GSDME: variants seen among roughly 807,000 people sequenced by gnomAD.
GSDME encodes gasdermin-E.
Under a neutral mutation model 47.5 loss-of-function variants are expected in GSDME, and 44 were observed. That is an observed-to-expected ratio of 0.93 (90% CI 0.73 to 1.19). The LOEUF is 1.19. Among genes scored for constraint, GSDME ranks in the 50% most tolerant of loss-of-function variants. The pLI is 0.00. For synonymous variants in GSDME, 258 were observed against 252.8 expected (o/e 1.02, Z -0.20); for missense variants, 663 against 604.2 (o/e 1.10, Z -1.02).
chr7:24,792,010 T>C, the GSDME span, among the ~76,000 whole-genome samples: 5 of 152,166 alleles, frequency 3.3e-5, no homozygotes, highest in African/African-American at 9.7e-5. Context: ...TGTAGAATCC[T>C]GGAAAAGAGC....
At chr7:24,758,331 A>G (rs752449912), upstream of GSDME, among the ~76,000 whole-genome samples, 3 of 152,224 alleles carry the variant, frequency 2.0e-5, no homozygotes, top group African/African-American at 7.2e-5. The surrounding 1 kb of genome is among the most constrained non-coding windows in gnomAD (Gnocchi z 4.6). Context: ...ACCCGCTCCC[A>G]GGTCCAGAAG....
the GSDME span, among the ~76,000 whole-genome samples, chr7:24,792,006 A>G: frequency 6.6e-6 from 1 of 152,214 alleles, no homozygotes; most frequent in African/African-American, 2.4e-5. Flanking sequence ...AGGCTGTAGA[A>G]TCCTGGAAAA....
intron 3 of GSDME, among the ~76,000 whole-genome samples, chr7:24,738,352 T>G (rs1441545789): frequency 6.6e-6 from 1 of 151,864 alleles, no homozygotes; most frequent in East Asian, 1.9e-4. Flanking sequence ...GAAAAAGAAA[T>G]CAAGGAAATA....
chr7:24,767,759 C>T, the GSDME span, among the ~76,000 whole-genome samples: 1 of 152,090 alleles, frequency 6.6e-6, no homozygotes, highest in African/African-American at 2.4e-5. This position sits in a 1 kb window ranked among gnomAD's most constrained non-coding sequence, Gnocchi z 5.3. Context: ...AACTTAAAGA[C>T]ATTTTCTTAC....
chr7:24,742,433 C>T lies in GSDME; in HGVS notation c.404+2129G>A, dbSNP rs143081097. Among the ~76,000 whole-genome samples the T allele has an allele frequency of 4.7e-3, 720 of 152,278 alleles. 3 individuals carry two copies. The highest frequency in any genetic ancestry group is 0.017 in the Middle Eastern group (5 of 294). ...GGCTACATATAAAGTGCCTGGCACACAGTAGGTGCTCTGCGGATGCTCCTT... is the reference window on the plus strand; with the variant it reads ...GGCTACATATAAAGTGCCTGGCACATAGTAGGTGCTCTGCGGATGCTCCTT... On this transcript the variant is annotated intron_variant, in intron 3 of 9. Transcript: ENST00000645220. The surrounding 1 kb of genome is among the most constrained non-coding windows in gnomAD (Gnocchi z 4.4).
chr7:24,784,435 A>G, the GSDME span, among the ~76,000 whole-genome samples: 3 of 152,088 alleles, frequency 2.0e-5, no homozygotes, highest in African/African-American at 7.2e-5. Context: ...AACAGTGCAG[A>G]CTTCAGTATG....
Position 24,706,371 on chromosome 7 carries a change from A to T in GSDME, c.996T>A (p.Asp332Glu), listed in dbSNP as rs1246801833. Residue 332 changes from aspartate to glutamate, a missense_variant, in exon 8 of 10, where the codon GAT becomes GAA. Transcript: ENST00000645220. ...TGGGCGAGAGGCCGCTGACCAGGTC[A>T]TCGCACTGTAGGGCAGGGAAGAAGA... ...ELLMVLEPVC[D>E]DLVSGLSPTV... The T allele has an allele frequency of 1.2e-6, 2 of 1,612,440 alleles. No homozygotes were observed. The highest frequency in any genetic ancestry group is 2.7e-5 in the African/African-American group (2 of 74,896).
In GSDME at chr7:24,728,285, A is replaced by C. The variant is rs924572211; in HGVS notation, c.405-9067T>G. Among the ~76,000 whole-genome samples the C allele has an allele frequency of 6.6e-6, 1 of 152,210 alleles. No homozygotes were observed. The highest frequency in any genetic ancestry group is 2.4e-5 in the African/African-American group (1 of 41,456). On this transcript the variant is annotated intron_variant, in intron 3 of 9. Coordinates refer to ENST00000645220, the MANE Select transcript of GSDME (RefSeq NM_001127453.2). The surrounding 1 kb of genome is among the most constrained non-coding windows in gnomAD (Gnocchi z 7.2). Reference sequence around the variant, plus strand: ...CCAAGAGAACTTGAGCTGCCAGGACAGATGGCGGCTGCCACAGGGGCCCAC... The same window carrying C: ...CCAAGAGAACTTGAGCTGCCAGGACCGATGGCGGCTGCCACAGGGGCCCAC...
chr7:24,711,230 TTTTG>T (rs1054672558), intron 5 of GSDME, among the ~76,000 whole-genome samples: 28 of 152,226 alleles, frequency 1.8e-4, no homozygotes, highest in African/African-American at 6.0e-4. Context: ...TTTTTGGTTG[TTTTG>T]TTTTTGTTCT....
At chr7:24,778,555 G>A in the GSDME span, among the ~76,000 whole-genome samples, 22 of 152,268 alleles carry the variant, frequency 1.4e-4, no homozygotes, top group African/African-American at 4.6e-4. This position sits in a 1 kb window ranked among gnomAD's most constrained non-coding sequence, Gnocchi z 5.6. Context: ...GGGAAAGTCC[G>A]GGACAAATTG....
In GSDME at chr7:24,712,928, G is replaced by A. The variant is rs1350055514; in HGVS notation, c.698-2540C>T. ...AGTTACTCAGGAGGCTGAGGCAGGA[G>A]AATCGTTTGAACCTGGGAGGCGGAG... On this transcript the variant is annotated intron_variant, in intron 5 of 9. Transcript: ENST00000645220. This position sits in a 1 kb window ranked among gnomAD's most constrained non-coding sequence, Gnocchi z 4.4. Among the ~76,000 whole-genome samples the A allele has an allele frequency of 1.3e-5, 2 of 151,560 alleles. No homozygotes were observed. Among genetic ancestry groups the A allele is most frequent in the African/African-American group, 4.9e-5 (2 of 41,188 alleles).
chr7:24,708,525 TTAAGTC>T (rs1452288952), intron 6 of GSDME, among the ~76,000 whole-genome samples: 4 of 152,228 alleles, frequency 2.6e-5, no homozygotes, highest in Admixed American at 6.5e-5. Context: ...TCACTAAACA[TTAAGTC>T]TAATCAATTA....
chr7:24,749,515 G>T, intron 2 of GSDME, 49 bp downstream of exon 2: 5 of 1,195,012 alleles, frequency 4.2e-6, no homozygotes, highest in Non-Finnish European at 4.7e-6. Flanking sequence ...AAAAAAAAAA[G>T]GATCATCCTT....
At chr7:24,701,326 C>T (rs1788859607) in intron 9 of GSDME, among the ~76,000 whole-genome samples, 1 of 152,198 alleles carries the variant, frequency 6.6e-6, no homozygotes, top group African/African-American at 2.4e-5. Flanking sequence ...TGTGCAGAAG[C>T]AGAATACCTT....
chr7:24,718,796 A>G (rs1248862301), intron 4 of GSDME, among the ~76,000 whole-genome samples: 1 of 134,422 alleles, frequency 7.4e-6, no homozygotes, highest in East Asian at 2.5e-4. Context: ...CTGAGAGGGC[A>G]TCAACCCAGG....
the GSDME span, among the ~76,000 whole-genome samples, chr7:24,781,013 C>T: frequency 5.9e-5 from 9 of 152,202 alleles, no homozygotes; most frequent in Non-Finnish European, 1.3e-4. Context: ...TGGCGTGGCC[C>T]ATCATGTTTC....
intron 9 of GSDME, among the ~76,000 whole-genome samples, chr7:24,701,713 TG>T (rs2128045620): frequency 6.6e-6 from 1 of 152,350 alleles, no homozygotes; most frequent in South Asian, 2.1e-4. Flanking sequence ...TACCCTCAGC[TG>T]GCCCAGGACA....
At chr7:24,789,481 G>A in the GSDME span, among the ~76,000 whole-genome samples, 1 of 152,164 alleles carries the variant, frequency 6.6e-6, no homozygotes, top group Non-Finnish European at 1.5e-5. Flanking sequence ...AGCAAGCAAG[G>A]GGTACATGAC....
At chr7:24,707,614 A>C (rs1789166421) in intron 7 of GSDME, 2 of 355,314 alleles carry the variant, frequency 5.6e-6, no homozygotes, top group South Asian at 4.6e-5. Context: ...AATCAAAATG[A>C]GATCATCCTA....
Sources: allele counts gnomAD v4.1 joint callset (sites outside exome capture counted in the v4.1 genomes callset), GRCh38; gene constraint gnomAD v4.1.1; non-coding constraint Gnocchi (gnomAD v3.1); transcripts MANE v1.5; gene names NCBI Gene and HGNC (gene_info 2026-07-23, HGNC 2026-07-21).